GOLGA3: variants seen among roughly 807,000 people sequenced by gnomAD.
GOLGA3 encodes golgin A3, also known as golgin subfamily A member 3.
Under a neutral mutation model 169.4 loss-of-function variants are expected in GOLGA3, and 75 were observed. The ratio of observed to expected loss-of-function variants is 0.44; its 90% CI spans 0.37 to 0.54. The LOEUF (loss-of-function observed/expected upper bound fraction) is 0.54, where lower values mean the gene tolerates loss of function less well. GOLGA3 is among the 20% of genes least tolerant of loss of function. The probability of loss-of-function intolerance (pLI) is 0.00; values close to 1 mark genes in which losing one functional copy is unlikely to be tolerated. For missense variants in GOLGA3, 1,899 were observed against 1,930.0 expected (o/e 0.98, Z 0.30); for synonymous variants, 824 against 822.4 (o/e 1.00, Z -0.03).
chr12:132,795,229 C>T (rs1006821405), intron 11 of GOLGA3, among the ~76,000 whole-genome samples: 5 of 151,638 alleles, frequency 3.3e-5, no homozygotes, highest in African/African-American at 1.2e-4. Context: ...CGGTGGCTCA[C>T]GCCTGTAATC....
At chr12:132,780,128 CCCCAGGCACACGT>C (rs2045508866) in intron 18 of GOLGA3, among the ~76,000 whole-genome samples, 5 of 91,974 alleles carry the variant, frequency 5.4e-5, no homozygotes, top group Admixed American at 4.2e-4. Flanking sequence ...CGTGCACACA[CCCCAGGCACACGT>C]GTGTACAGAC....
rs773096074 is a variant in GOLGA3, at chr12:132,780,779, G to C, written c.3582+19C>G. Reference sequence around the variant, plus strand: ...GAGCGTCCTCTGGAACGCCCTGTGAGACGGAAGGTGGCACGCACCTGCTCC... The same window carrying C: ...GAGCGTCCTCTGGAACGCCCTGTGACACGGAAGGTGGCACGCACCTGCTCC... On this transcript the variant is annotated intron_variant, in intron 18 of 23. Coordinates refer to ENST00000450791, the MANE Select transcript of GOLGA3 (RefSeq NM_001389683.1). The C allele has an allele frequency of 1.3e-5, 19 of 1,500,278 alleles. No homozygotes were observed. In the East Asian group the frequency reaches 4.3e-4, roughly 34 times the overall value. 92.9% of individuals were successfully genotyped at this position (1,500,278 alleles called of 1,614,324 possible). A position where few individuals can be genotyped will look rare whatever the true frequency, so the allele number is the denominator to read the frequency against.
At chr12:132,796,780 G>T in intron 9 of GOLGA3, 80 bp from the exon 10 acceptor site, 1 of 1,371,424 alleles carries the variant, frequency 7.3e-7, no homozygotes, top group Non-Finnish European at 1.0e-6. Context: ...GCTCTGCAGA[G>T]AAACCCACCG....
intron 9 of GOLGA3, among the ~76,000 whole-genome samples, chr12:132,797,938 C>G (rs1948934614): frequency 6.6e-6 from 1 of 152,250 alleles, no homozygotes; most frequent in South Asian, 2.1e-4. Flanking sequence ...GACAGGCTGT[C>G]AGGCAAAAAC....
At chr12:132,799,863 C>A (rs1489438821) in intron 8 of GOLGA3, among the ~76,000 whole-genome samples, 1 of 152,080 alleles carries the variant, frequency 6.6e-6, no homozygotes, top group Non-Finnish European at 1.5e-5. Flanking sequence ...GCCTCAGCCT[C>A]CCAAGTAGCT....
intron 17 of GOLGA3, among the ~76,000 whole-genome samples, chr12:132,781,976 C>T (rs2045630338): frequency 6.6e-6 from 1 of 152,178 alleles, no homozygotes; most frequent in African/African-American, 2.4e-5. Context: ...TGCCCCTCAA[C>T]TAAACAGGTG....
In GOLGA3 at chr12:132,792,842, C is replaced by T. The variant is rs574691052; in HGVS notation, c.2470-1549G>A. Among the ~76,000 whole-genome samples the T allele has an allele frequency of 5.9e-5, 7 of 119,002 alleles. No homozygotes were observed. The East Asian group carries it at 2.0e-3, about 33-fold the overall frequency. 78.1% of individuals were successfully genotyped at this position (119,002 alleles called of 152,430 possible). A position where few individuals can be genotyped will look rare whatever the true frequency, so the allele number is the denominator to read the frequency against. On this transcript the variant is annotated intron_variant, in intron 11 of 23. Transcript: ENST00000450791. ...TCCACTCGGAGGGCTCCACACGGAC[C>T]GACCACACGGGACCTGCACTCGGAG...
At chr12:132,795,382 T>C (rs879440900) in intron 11 of GOLGA3, among the ~76,000 whole-genome samples, 4 of 151,336 alleles carry the variant, frequency 2.6e-5, no homozygotes, top group Middle Eastern at 3.6e-3. Context: ...ATCCCAGCAC[T>C]GTGGGAGACT....
chr12:132,791,405 CAG>C lies in GOLGA3; in HGVS notation c.2470-114_2470-113del, dbSNP rs958953791. ...GGGGAACACATCTGCACAAATGTTA[CAG>C]AGAGCTCCAGGAGGGGACACATCCT... On this transcript the variant is annotated intron_variant, in intron 11 of 23. Transcript: ENST00000450791. The C allele has an allele frequency of 1.2e-4, 75 of 612,876 alleles. No individual in the cohort carries two copies. In the African/African-American group the frequency reaches 1.4e-3, roughly 11 times the overall value. 38.0% of individuals were successfully genotyped at this position (612,876 alleles called of 1,614,324 possible).
chr12:132,805,892 C>T (rs1160016137), intron 6 of GOLGA3, among the ~76,000 whole-genome samples: 4 of 152,100 alleles, frequency 2.6e-5, no homozygotes, highest in Non-Finnish European at 5.9e-5. Flanking sequence ...AGATTAAAAG[C>T]GGATTCAGAT....
intron 15 of GOLGA3, among the ~76,000 whole-genome samples, chr12:132,784,675 T>C (rs1566082143): frequency 1.3e-5 from 2 of 151,880 alleles, no homozygotes; most frequent in Non-Finnish European, 2.9e-5. Context: ...CACACTCATG[T>C]AACACACACC....
At chr12:132,806,882 C>G (rs957274113) in intron 6 of GOLGA3, among the ~76,000 whole-genome samples, 1 of 152,104 alleles carries the variant, frequency 6.6e-6, no homozygotes, top group African/African-American at 2.4e-5. Context: ...CCAGAAAAAG[C>G]TGCAACCCAC....
chr12:132,798,998 A>G (rs542055075), intron 8 of GOLGA3, among the ~76,000 whole-genome samples: 104 of 152,340 alleles, frequency 6.8e-4, no homozygotes, highest in African/African-American at 2.4e-3. Flanking sequence ...GCCCAGGACC[A>G]TGGCCCTGAG....
chr12:132,818,764 G>A (rs1186166872), intron 2 of GOLGA3, among the ~76,000 whole-genome samples: 1 of 152,034 alleles, frequency 6.6e-6, no homozygotes, highest in Admixed American at 6.6e-5. Flanking sequence ...CCAAGGCGAG[G>A]ACCCTAAGGC....
chr12:132,782,831 G>A (rs192888815), intron 16 of GOLGA3, among the ~76,000 whole-genome samples: 1 of 149,168 alleles, frequency 6.7e-6, no homozygotes, highest in Non-Finnish European at 1.5e-5. Flanking sequence ...AGCTGAGATT[G>A]TGCCCCTGCA....
chr12:132,787,716 TCCCCGGAGACCCC>T (rs2045985975), intron 13 of GOLGA3, among the ~76,000 whole-genome samples: 2 of 21,926 alleles, frequency 9.1e-5, no homozygotes. Flanking sequence ...CCGGGACCCC[TCCCCGGAGACCCC>T]GGGACCCCTC....
At chr12:132,809,257 G>A (rs1949577195) in intron 4 of GOLGA3, among the ~76,000 whole-genome samples, 1 of 152,238 alleles carries the variant, frequency 6.6e-6, no homozygotes, top group Admixed American at 6.5e-5. Flanking sequence ...AGGTATACAG[G>A]ATGGAACATG....
chr12:132,772,550 A>AG lies in GOLGA3; in HGVS notation c.*554_*555insC, dbSNP rs1351054338. 2.6e-5 allele frequency: 4 copies of AG among 151,660 alleles called. No individual in the cohort carries two copies. Among genetic ancestry groups the AG allele is most frequent in the Non-Finnish European group, 5.9e-5 (4 of 67,924 alleles). The allele number at this position is 151,660 out of a possible 1,614,324, so 9.4% of individuals were successfully genotyped here. A position where few individuals can be genotyped will look rare whatever the true frequency, so the allele number is the denominator to read the frequency against. On this transcript the variant is annotated 3_prime_UTR_variant, in exon 24 of 24. Transcript: ENST00000450791. ...CAAAGCGAGACTCTGTCTCAAAAAA[A>AG]AAAAAAAAAAAAAAACAAAGATTGG... is the stretch of plus-strand genomic sequence containing the variant.
intron 6 of GOLGA3, among the ~76,000 whole-genome samples, chr12:132,806,064 C>T (rs892820112): frequency 6.6e-6 from 1 of 152,208 alleles, no homozygotes; most frequent in Non-Finnish European, 1.5e-5. Context: ...CCACCACCTG[C>T]CCCCACGCTG....
Sources: gnomAD v4.1 joint callset for allele counts (sites outside exome capture counted in the v4.1 genomes callset) on GRCh38, gnomAD v4.1.1 for gene constraint, MANE v1.5 for transcripts, NCBI Gene and HGNC (gene_info 2026-07-23, HGNC 2026-07-21) for gene names.